Variants in NIPBL observed in about 807,000 individuals in gnomAD.
NIPBL encodes the protein nipped-B-like protein.
A neutral mutation model predicts 321.8 loss-of-function variants in NIPBL; 19 were observed. The observed-to-expected ratio is 0.06, with a 90% CI of 0.04 to 0.09. The LOEUF (loss-of-function observed/expected upper bound fraction) is 0.09, where lower values mean the gene tolerates loss of function less well. Among genes scored for constraint, NIPBL ranks in the 10% least tolerant of loss-of-function variants. The pLI is 1.00. For synonymous variants in NIPBL, 1,106 were observed against 1,114.1 expected, an observed-to-expected ratio of 0.99 and a Z score of 0.14; for missense variants, 2,210 against 3,327.0, an observed-to-expected ratio of 0.66 and a Z score of 8.26.
chr5:36,988,097 A>G (rs1410085812), intron 10 of NIPBL, among the ~76,000 whole-genome samples: 4 of 152,162 alleles, frequency 2.6e-5, no homozygotes, highest in Admixed American at 6.5e-5. Context: ...CTGTTCTAAC[A>G]AAGAGTCTTT....
chr5:37,051,483 A>G (rs1753539283), intron 40 of NIPBL: 1 of 417,724 alleles, frequency 2.4e-6, no homozygotes, highest in South Asian at 3.1e-5. Context: ...CTATATCATA[A>G]TCTTAAATAG....
intron 1 of NIPBL, among the ~76,000 whole-genome samples, chr5:36,878,121 ACTTTT>A (rs1205366465): frequency 2.0e-5 from 3 of 152,220 alleles, no homozygotes; most frequent in Non-Finnish European, 2.9e-5. Flanking sequence ...GGGTAAAACC[ACTTTT>A]CTTTTCTTTT....
chr5:36,935,192 C>G (rs1750066168), intron 1 of NIPBL, among the ~76,000 whole-genome samples: 1 of 152,114 alleles, frequency 6.6e-6, no homozygotes, highest in Non-Finnish European at 1.5e-5. Context: ...GCAGTGGGCT[C>G]TTAATGTTAC....
At chr5:37,026,116 T>A in intron 30 of NIPBL, 113 bp from the exon 31 acceptor site, 1 of 649,150 alleles carries the variant, frequency 1.5e-6, no homozygotes, top group Non-Finnish European at 2.8e-6. Flanking sequence ...TTCCTGGCAG[T>A]TTGTGTTTTG....
Position 37,060,841 on chromosome 5 carries a change from C to T in NIPBL, c.7686-3C>T. The T allele has an allele frequency of 6.2e-7, 1 of 1,612,222 alleles. No individual in the cohort carries two copies. The highest frequency in any genetic ancestry group is 1.1e-5 in the South Asian group (1 of 90,810). ...AGTTTTTGGTTTTGTTTTCCCAAAA[C>T]AGTAAAATTCAGAAGTACTCTCCAT... is the stretch of plus-strand genomic sequence containing the variant. On this transcript the variant is annotated splice_polypyrimidine_tract_variant and splice_region_variant and intron_variant, in intron 44 of 46. Coordinates refer to ENST00000282516, the MANE Select transcript of NIPBL (RefSeq NM_133433.4).
At chr5:37,043,575 G>T (rs1012902150) in intron 34 of NIPBL, among the ~76,000 whole-genome samples, 3 of 151,760 alleles carry the variant, frequency 2.0e-5, no homozygotes, top group East Asian at 1.9e-4. Flanking sequence ...GGTATTATGC[G>T]CCTGTAGTCC....
chr5:37,019,441 A>G lies in NIPBL; in HGVS notation c.5010+41A>G, dbSNP rs758261498. 1.7e-5 allele frequency: 25 copies of G among 1,452,512 alleles called. No individual in the cohort carries two copies. The East Asian group carries it at 2.7e-4, about 16-fold the overall frequency. 90.0% of individuals were successfully genotyped at this position (1,452,512 alleles called of 1,614,324 possible). A position where few individuals can be genotyped will look rare whatever the true frequency, so the allele number is the denominator to read the frequency against. On this transcript the variant is annotated intron_variant, in intron 25 of 46. Coordinates refer to ENST00000282516, the MANE Select transcript of NIPBL (RefSeq NM_133433.4). ...CCTGTTTTGGAGATACTACATGTTT[A>G]TTTAAATTGGGTTTAAGAAAATTGG...
intron 34 of NIPBL, among the ~76,000 whole-genome samples, chr5:37,041,133 G>A (rs1164233668): frequency 6.8e-5 from 10 of 147,846 alleles, no homozygotes; most frequent in Admixed American, 4.0e-4. Flanking sequence ...TTACTTAATG[G>A]TTTCCATCTT....
intron 1 of NIPBL, among the ~76,000 whole-genome samples, chr5:36,923,117 AATTTTTGT>A (rs1749078361): frequency 6.6e-6 from 1 of 151,992 alleles, no homozygotes; most frequent in African/African-American, 2.4e-5. Flanking sequence ...AAAATTACAA[AATTTTTGT>A]AATTTTGTAC....
chr5:36,897,745 T>C (rs1746865783), intron 1 of NIPBL, among the ~76,000 whole-genome samples: 1 of 152,154 alleles, frequency 6.6e-6, no homozygotes, highest in Non-Finnish European at 1.5e-5. Context: ...GAGTATTTGT[T>C]GCGGAAATAA....
intron 24 of NIPBL, 91 bp downstream of exon 24, chr5:37,017,253 G>A: frequency 7.9e-7 from 1 of 1,266,818 alleles, no homozygotes; most frequent in Non-Finnish European, 1.1e-6. Context: ...ATTTTGTGTG[G>A]ATTCAAAATA....
chr5:37,003,416 C>A, intron 16 of NIPBL, 69 bp downstream of exon 16: 1 of 873,290 alleles, frequency 1.1e-6, no homozygotes, highest in Non-Finnish European at 1.9e-6. Context: ...TCCCCCACTT[C>A]TCTATTGTTT....
chr5:36,985,659 A>T lies in NIPBL; in HGVS notation c.2479A>T (p.Arg827Trp). 1 of 1,613,974 alleles carries T rather than the reference A, an allele frequency of 6.2e-7. No homozygotes were observed. Among genetic ancestry groups the T allele is most frequent in the South Asian group, 1.1e-5 (1 of 91,078 alleles). ...TGATAATAAACAAAAATCAGATGAC[A>T]GGGGTGAATCAGAGCGACATCGAGG... ...DHDNKQKSDD[R>W]GESERHRGDQ... Residue 827 changes from arginine to tryptophan, a missense_variant, in exon 10 of 47, where the codon AGG (arginine) becomes TGG (tryptophan). By Grantham distance (101) the Arg-to-Trp change is moderately radical. Coordinates refer to ENST00000282516, the MANE Select transcript of NIPBL (RefSeq NM_133433.4).
chr5:37,044,564 T>C, intron 35 of NIPBL, 72 bp from the exon 36 acceptor site: 1 of 1,577,898 alleles, frequency 6.3e-7, no homozygotes, highest in Non-Finnish European at 8.6e-7. Context: ...TTAAAGCAAA[T>C]ATTTGTAAAA....
intron 1 of NIPBL, among the ~76,000 whole-genome samples, chr5:36,947,037 TG>T (rs1469432669): frequency 6.6e-6 from 1 of 152,122 alleles, no homozygotes; most frequent in Non-Finnish European, 1.5e-5. Context: ...ACTTAATTTT[TG>T]CATCTGTGAA....
intron 1 of NIPBL, among the ~76,000 whole-genome samples, chr5:36,915,061 TC>T (rs1280016725): frequency 6.6e-6 from 1 of 152,084 alleles, no homozygotes; most frequent in Non-Finnish European, 1.5e-5. Flanking sequence ...ATGAAGTCTA[TC>T]AGCCCTGTAT....
chr5:36,967,966 G>A (rs1011113355), intron 6 of NIPBL, among the ~76,000 whole-genome samples: 1 of 151,840 alleles, frequency 6.6e-6, no homozygotes, highest in African/African-American at 2.4e-5. Context: ...GCAAGGTGGT[G>A]TGTGCCTGTA....
chr5:36,961,519 T>C lies in NIPBL; in HGVS notation c.394T>C (p.Ser132Pro). ...GTCTCAGTATAAACTTTCTCAGAAT[T>C]CCATGCACAGTAGTCCTGCATCTTC... ...MMSQYKLSQN[S>P]MHSSPASSNY... Residue 132 changes from serine to proline, a missense_variant, in exon 5 of 47, where the codon TCC becomes CCC. Ser to Pro is a moderately conservative substitution (Grantham distance 74). Transcript: ENST00000282516. The C allele has an allele frequency of 1.9e-6, 3 of 1,612,262 alleles. No homozygotes were observed. The highest frequency in any genetic ancestry group is 2.5e-6 in the Non-Finnish European group (3 of 1,178,448).
chr5:37,003,378 C>T (rs1747044509), intron 16 of NIPBL, 31 bp downstream of exon 16: 1 of 1,317,664 alleles, frequency 7.6e-7, no homozygotes, highest in African/African-American at 1.4e-5. Context: ...GTTAATTTTA[C>T]CCTTAATGTT....
Sources: gnomAD v4.1 joint callset for allele counts (sites outside exome capture counted in the v4.1 genomes callset) on GRCh38, gnomAD v4.1.1 for gene constraint, MANE v1.5 for transcripts, NCBI Gene and HGNC (gene_info 2026-07-23, HGNC 2026-07-21) for gene names.